The following DCAF6 variants were observed in gnomAD, a reference collection of about 807,000 sequenced individuals.
DCAF6 encodes DDB1 and CUL4 associated factor 6.
DCAF6 carries 54 observed loss-of-function variants against 125.1 expected under a neutral mutation model. That is an observed-to-expected ratio of 0.43 (90% CI 0.35 to 0.54). The LOEUF is 0.54. DCAF6 is among the 20% of genes least tolerant of loss of function. DCAF6 has a pLI of 0.01. For synonymous variants in DCAF6, 371 were observed against 390.4 expected (o/e 0.95, Z 0.58); for missense variants, 934 against 1,161.7 (o/e 0.80, Z 2.85).
At chr1:167,872,284 G>C in the DCAF6 span, among the ~76,000 whole-genome samples, 1 of 151,918 alleles carries the variant, frequency 6.6e-6, no homozygotes, top group Admixed American at 6.5e-5. Context: ...GTTACAGTAA[G>C]CCGAGATGGC....
At chr1:167,923,144 CAA>C in the DCAF6 span, among the ~76,000 whole-genome samples, 1 of 151,986 alleles carries the variant, frequency 6.6e-6, no homozygotes, top group Non-Finnish European at 1.5e-5. Flanking sequence ...CTGAGGAAAA[CAA>C]AAAATATTAA....
At chr1:167,990,653 G>C (rs955226058) in intron 5 of DCAF6, among the ~76,000 whole-genome samples, 1 of 152,098 alleles carries the variant, frequency 6.6e-6, no homozygotes, top group Non-Finnish European at 1.5e-5. Flanking sequence ...TTTAGAAAGA[G>C]TTTTAATTGT....
the DCAF6 span, among the ~76,000 whole-genome samples, chr1:167,870,072 C>T: frequency 3.3e-5 from 5 of 152,098 alleles, no homozygotes; most frequent in African/African-American, 1.2e-4. Flanking sequence ...ATGGGTCAGC[C>T]CAGTTTCTCT....
intron 12 of DCAF6, among the ~76,000 whole-genome samples, chr1:168,031,727 T>G (rs1008117392): frequency 6.6e-6 from 1 of 152,052 alleles, no homozygotes; most frequent in African/African-American, 2.4e-5. Context: ...AAGGAGAATA[T>G]ACCTGAGGAA....
chr1:167,999,983 T>A (rs147803878), intron 7 of DCAF6, among the ~76,000 whole-genome samples: 165 of 152,288 alleles, frequency 1.1e-3, no homozygotes, highest in Non-Finnish European at 1.7e-3. Flanking sequence ...TCAACATGCT[T>A]TCCTCACTTA....
chr1:168,059,002 A>G (rs1236617202), intron 17 of DCAF6, among the ~76,000 whole-genome samples: 1 of 151,928 alleles, frequency 6.6e-6, no homozygotes, highest in Non-Finnish European at 1.5e-5. Context: ...TTTCTATTTT[A>G]TGATTTTTTT....
intron 12 of DCAF6, among the ~76,000 whole-genome samples, chr1:168,027,354 T>C (rs1263357903): frequency 6.6e-6 from 1 of 152,128 alleles, no homozygotes; most frequent in African/African-American, 2.4e-5. Flanking sequence ...ATGTAAGGGA[T>C]AGTTGATGTC....
chr1:167,935,957 G>T, upstream of DCAF6: 1 of 769,948 alleles, frequency 1.3e-6, no homozygotes, highest in Non-Finnish European at 2.2e-6. Flanking sequence ...TCCGCCTCTC[G>T]CCTGGAGTAC....
intron 6 of DCAF6, among the ~76,000 whole-genome samples, chr1:167,992,743 T>A (rs1681038370): frequency 2.6e-5 from 4 of 152,380 alleles, no homozygotes; most frequent in Admixed American, 2.0e-4. Flanking sequence ...AATAGTATTC[T>A]TAACTCTGTA....
chr1:167,940,382 C>CG (rs1331420497), intron 1 of DCAF6, among the ~76,000 whole-genome samples: 2 of 151,786 alleles, frequency 1.3e-5, no homozygotes, highest in East Asian at 1.9e-4. Context: ...TGGTGGGAGG[C>CG]GGGGGGCAGG....
chr1:168,068,269 CT>C, intron 20 of DCAF6, 88 bp from the exon 21 acceptor site: 1 of 833,798 alleles, frequency 1.2e-6, no homozygotes, highest in Non-Finnish European at 2.0e-6. Context: ...CCTCCTGGTA[CT>C]GGCTGATTGT....
intron 13 of DCAF6, among the ~76,000 whole-genome samples, chr1:168,040,562 C>T (rs1026702978): frequency 1.3e-5 from 2 of 151,336 alleles, no homozygotes; most frequent in African/African-American, 4.9e-5. Context: ...AGTCTTAGTG[C>T]CTGACCATTT....
chr1:168,054,425 A>G (rs1044785102), intron 17 of DCAF6, among the ~76,000 whole-genome samples: 5 of 152,174 alleles, frequency 3.3e-5, no homozygotes, highest in African/African-American at 9.7e-5. Context: ...GAATTAATTC[A>G]TTCTTGAGAG....
the DCAF6 span, among the ~76,000 whole-genome samples, chr1:167,912,193 A>G: frequency 1.3e-5 from 2 of 152,216 alleles, no homozygotes; most frequent in East Asian, 1.9e-4. Context: ...GGAGTTATTA[A>G]GAAATTATTT....
the DCAF6 span, chr1:167,901,607 G>A: frequency 6.4e-7 from 1 of 1,553,076 alleles, no homozygotes; most frequent in Non-Finnish European, 8.9e-7. Flanking sequence ...AGATGCCCCA[G>A]GAGTCAAGAC....
At chr1:167,992,135 A>G (rs1346238434) in intron 6 of DCAF6, among the ~76,000 whole-genome samples, 1 of 152,078 alleles carries the variant, frequency 6.6e-6, no homozygotes, top group Non-Finnish European at 1.5e-5. Flanking sequence ...ACTGAATTTG[A>G]ATCTAATATA....
chr1:167,989,844 G>C (rs1411667093), intron 5 of DCAF6, among the ~76,000 whole-genome samples: 1 of 149,992 alleles, frequency 6.7e-6, no homozygotes, highest in Non-Finnish European at 1.5e-5. Context: ...CCTGGCGACA[G>C]AGCAAAATTC....
intron 17 of DCAF6, among the ~76,000 whole-genome samples, chr1:168,051,463 C>G (rs923692513): frequency 1.3e-5 from 2 of 152,190 alleles, no homozygotes; most frequent in Non-Finnish European, 2.9e-5. Flanking sequence ...AAGCACTTCT[C>G]TATTTGGGAC....
At chr1:168,058,831 A>G (rs1171308184) in intron 17 of DCAF6, among the ~76,000 whole-genome samples, 1 of 152,132 alleles carries the variant, frequency 6.6e-6, no homozygotes, top group Non-Finnish European at 1.5e-5. Flanking sequence ...CGGCCTCCCA[A>G]AGTGCTGGAA....
Sources: allele counts gnomAD v4.1 joint callset (sites outside exome capture counted in the v4.1 genomes callset), GRCh38; gene constraint gnomAD v4.1.1; transcripts MANE v1.5; gene names NCBI Gene and HGNC (gene_info 2026-07-23, HGNC 2026-07-21).